Variants in SLC12A7 observed in about 807,000 individuals in gnomAD.
The protein encoded by SLC12A7 is K-Cl cotransporter 4.
In SLC12A7, 100 loss-of-function variants were observed where a neutral mutation model predicts 120.6. The ratio of observed to expected loss-of-function variants is 0.83; its 90% CI spans 0.71 to 0.98. The LOEUF is 0.98. Among genes scored for constraint, SLC12A7 ranks in the 50% least tolerant of loss-of-function variants. The pLI is 0.00. For missense variants in SLC12A7, 1,373 were observed against 1,548.1 expected, an observed-to-expected ratio of 0.89 and a Z score of 1.90; for synonymous variants, 760 against 678.0, an observed-to-expected ratio of 1.12 and a Z score of -1.88.
chr5:1,081,877 G>A, intron 8 of SLC12A7, 133 bp from the exon 9 acceptor site: 2 of 1,038,254 alleles, frequency 1.9e-6, no homozygotes, highest in South Asian at 3.4e-5. Flanking sequence ...CCGCAAGCAG[G>A]CTCCAATTCA....
At chr5:1,108,721 G>A (rs1272986915) in intron 1 of SLC12A7, among the ~76,000 whole-genome samples, 1 of 152,232 alleles carries the variant, frequency 6.6e-6, no homozygotes, top group Non-Finnish European at 1.5e-5. Flanking sequence ...ATTCCCAAGG[G>A]CAGTGCAGAG....
At chr5:1,127,651 A>G in the SLC12A7 span, among the ~76,000 whole-genome samples, 2 of 152,228 alleles carry the variant, frequency 1.3e-5, no homozygotes, top group African/African-American at 4.8e-5. Context: ...GATAAAATAG[A>G]CACATTCTCC....
the SLC12A7 span, among the ~76,000 whole-genome samples, chr5:1,134,924 C>T: frequency 3.5e-3 from 528 of 152,224 alleles, 1 homozygote; most frequent in African/African-American, 0.012. Context: ...ACCAGGAGTT[C>T]GAGACCAGCC....
upstream of SLC12A7, among the ~76,000 whole-genome samples, chr5:1,115,000 C>T (rs7703616): frequency 0.5 from 76,511 of 152,086 alleles, 20,094 homozygotes; most frequent in Non-Finnish European, 0.59. Context: ...GTTTCCACAA[C>T]GGTGAATTGG....
intron 2 of SLC12A7, 43 bp downstream of exon 2, chr5:1,094,111 A>G (rs754564338): frequency 2.6e-6 from 4 of 1,538,670 alleles, no homozygotes; most frequent in Non-Finnish European, 3.6e-6. Context: ...TCCACATCAA[A>G]GCAACGGCCC....
Position 1,084,599 on chromosome 5 carries a change from G to C in SLC12A7, c.917+633C>G, listed in dbSNP as rs369865176. ...AGGGGGTCTCAGGACGGGTCCCCGA[G>C]GGGGAGGGCAGCTGTGCTTCCCTAA... On this transcript the variant is annotated intron_variant, in intron 7 of 23. Transcript: ENST00000264930. 2.6e-5 allele frequency among the ~76,000 whole-genome samples: 4 copies of C among 152,342 alleles called. No individual in the cohort carries two copies. In the East Asian group the frequency reaches 5.8e-4, roughly 22 times the overall value.
chr5:1,054,960 G>A (rs1735453691), intron 22 of SLC12A7, among the ~76,000 whole-genome samples: 1 of 152,204 alleles, frequency 6.6e-6, no homozygotes, highest in Non-Finnish European at 1.5e-5. Context: ...AGCAGCTCCA[G>A]GAAGTGAAAG....
chr5:1,059,458 C>T (rs1735957075), intron 21 of SLC12A7, among the ~76,000 whole-genome samples: 1 of 152,226 alleles, frequency 6.6e-6, no homozygotes, highest in Non-Finnish European at 1.5e-5. Context: ...CCAACACCTG[C>T]ACCTGGTCTG....
At chr5:1,154,776 G>T in the SLC12A7 span, among the ~76,000 whole-genome samples, 10 of 152,346 alleles carry the variant, frequency 6.6e-5, no homozygotes, top group South Asian at 2.1e-3. Context: ...CTTCTGCCTG[G>T]GACCTGCCTC....
At chr5:1,090,221 G>A (rs183952190) in intron 3 of SLC12A7, among the ~76,000 whole-genome samples, 223 of 152,348 alleles carry the variant, frequency 1.5e-3, no homozygotes, top group African/African-American at 4.8e-3. Context: ...TGGGGTCACC[G>A]TGCCGGAACG....
At chr5:1,115,653 G>T (rs544626095), upstream of SLC12A7, among the ~76,000 whole-genome samples, 8 of 152,174 alleles carry the variant, frequency 5.3e-5, no homozygotes, top group Non-Finnish European at 1.0e-4. Context: ...TCCGTGTCCA[G>T]GGAAGGGGAC....
chr5:1,115,719 C>A (rs1009968835), upstream of SLC12A7, among the ~76,000 whole-genome samples: 1 of 152,018 alleles, frequency 6.6e-6, no homozygotes, highest in Admixed American at 6.5e-5. Flanking sequence ...GAAAGCCACC[C>A]GCCTTCTGCC....
chr5:1,057,052 C>G (rs1735696456), intron 22 of SLC12A7, among the ~76,000 whole-genome samples: 1 of 152,232 alleles, frequency 6.6e-6, no homozygotes, highest in Admixed American at 6.5e-5. Flanking sequence ...GGCCGCAGGG[C>G]TGACTTCAGG....
At chr5:1,110,020 C>G (rs1339500631) in intron 1 of SLC12A7, among the ~76,000 whole-genome samples, 3 of 152,196 alleles carry the variant, frequency 2.0e-5, no homozygotes, top group Non-Finnish European at 4.4e-5. Flanking sequence ...AAAAGCAAAG[C>G]CTGTGCCTCC....
the SLC12A7 span, among the ~76,000 whole-genome samples, chr5:1,146,848 C>T: frequency 6.6e-6 from 1 of 152,144 alleles, no homozygotes; most frequent in Non-Finnish European, 1.5e-5. The surrounding 1 kb of genome is among the most constrained non-coding windows in gnomAD (Gnocchi z 6.5). Flanking sequence ...CTGGAAGCCC[C>T]ACTTGGAGCT....
chr5:1,057,106 G>C (rs1481548281), intron 22 of SLC12A7: 1 of 204,082 alleles, frequency 4.9e-6, no homozygotes, highest in Non-Finnish European at 9.7e-6. Flanking sequence ...CCAGCTGTGG[G>C]GTTAACATCA....
At chr5:1,057,296 G>A (rs1220308819) in intron 22 of SLC12A7, 175 bp downstream of exon 22, 3 of 631,874 alleles carry the variant, frequency 4.7e-6, no homozygotes, top group Non-Finnish European at 7.9e-6. Flanking sequence ...GCCCGGCCTT[G>A]GCACCAAAAG....
chr5:1,059,478 G>A (rs1356883943), intron 21 of SLC12A7, among the ~76,000 whole-genome samples: 1 of 152,186 alleles, frequency 6.6e-6, no homozygotes, highest in African/African-American at 2.4e-5. Flanking sequence ...GCAGACACAC[G>A]TGTGTGATAC....
chr5:1,064,344 C>CGGCGA, intron 18 of SLC12A7, 92 bp from the exon 19 acceptor site: 1 of 1,436,632 alleles, frequency 7.0e-7, no homozygotes, highest in African/African-American at 1.4e-5. Context: ...GGGGCGGGCA[C>CGGCGA]GGCGAGGCGA....
Sources: allele counts gnomAD v4.1 joint callset (sites outside exome capture counted in the v4.1 genomes callset), GRCh38; gene constraint gnomAD v4.1.1; non-coding constraint Gnocchi (gnomAD v3.1); transcripts MANE v1.5; gene names NCBI Gene and HGNC (gene_info 2026-07-23, HGNC 2026-07-21).